PHLPP1: variants seen among roughly 807,000 people sequenced by gnomAD.
PHLPP1 encodes the protein PH domain and leucine rich repeat protein phosphatase 1.
A neutral mutation model predicts 117.2 loss-of-function variants in PHLPP1; 42 were observed. The ratio of observed to expected loss-of-function variants is 0.36; its 90% confidence interval spans 0.28 to 0.46. PHLPP1 has a LOEUF of 0.46. Ranked by LOEUF, PHLPP1 falls within the 20% of genes least tolerant of loss-of-function variation. PHLPP1 has a pLI of 1.00. For missense variants in PHLPP1, 2,084 were observed against 2,241.9 expected (o/e 0.93, Z 1.42); for synonymous variants, 1,042 against 970.7 (o/e 1.07, Z -1.37).
Position 62,941,931 on chromosome 18 carries a change from T to A in PHLPP1, c.3161+13T>A. On this transcript the variant is annotated intron_variant, in intron 11 of 16. Coordinates refer to ENST00000262719, the MANE Select transcript of PHLPP1 (RefSeq NM_194449.4). ...GTTTTCCAGCAAGGTAAAGGACAGT[T>A]GTAAAGCTGCGTTCTGAATTGCATT... 6.3e-7 allele frequency: 1 copy of A among 1,596,180 alleles called. No individual in the cohort carries two copies. Among genetic ancestry groups the A allele is most frequent in the South Asian group, 1.1e-5 (1 of 90,054 alleles).
intron 4 of PHLPP1, among the ~76,000 whole-genome samples, chr18:62,889,304 A>G (rs1021481240): frequency 1.3e-5 from 2 of 152,208 alleles, no homozygotes; most frequent in African/African-American, 4.8e-5. Context: ...TTAAGTCAGA[A>G]TCAGCTCTTA....
chr18:62,812,641 CTTCA>C (rs1012603250), intron 1 of PHLPP1, among the ~76,000 whole-genome samples: 3 of 152,026 alleles, frequency 2.0e-5, no homozygotes, highest in African/African-American at 7.2e-5. Flanking sequence ...TGCTGCCCAG[CTTCA>C]TTGTTTCAGC....
chr18:62,945,659 C>T (rs2144459042), intron 12 of PHLPP1, among the ~76,000 whole-genome samples: 1 of 152,356 alleles, frequency 6.6e-6, no homozygotes, highest in African/African-American at 2.4e-5. Flanking sequence ...TACCACTACA[C>T]ATCGCTCCCT....
At chr18:62,765,914 C>T (rs1049142008) in intron 1 of PHLPP1, among the ~76,000 whole-genome samples, 1 of 150,004 alleles carries the variant, frequency 6.7e-6, no homozygotes, top group African/African-American at 2.5e-5. Flanking sequence ...AGGAGAATGG[C>T]GTGAACCTGG....
intron 4 of PHLPP1, among the ~76,000 whole-genome samples, chr18:62,877,886 G>A (rs773698155): frequency 1.3e-5 from 2 of 152,066 alleles, no homozygotes; most frequent in Non-Finnish European, 2.9e-5. Flanking sequence ...TTTTGAAGAC[G>A]GAGCTCAGAA....
chr18:62,798,555 T>G (rs570814228), intron 1 of PHLPP1, among the ~76,000 whole-genome samples: 2 of 152,358 alleles, frequency 1.3e-5, no homozygotes, highest in South Asian at 4.1e-4. Context: ...AGAAAGACCC[T>G]TTTAAAAGTC....
intron 10 of PHLPP1, among the ~76,000 whole-genome samples, chr18:62,925,912 G>C (rs954890923): frequency 1.3e-5 from 2 of 152,202 alleles, no homozygotes; most frequent in African/African-American, 4.8e-5. Flanking sequence ...CTCCAGTGCA[G>C]ATGGTCTGCT....
At chr18:62,966,465 A>ATTTTTTTTTTTTT (rs3087157) in intron 14 of PHLPP1, among the ~76,000 whole-genome samples, 2 of 109,052 alleles carry the variant, frequency 1.8e-5, no homozygotes, top group Non-Finnish European at 3.5e-5. Flanking sequence ...AGTTCTACAA[A>ATTTTTTTTTTTTT]TTTTTTTTTT....
At chr18:62,828,244 G>A (rs1420392474) in intron 1 of PHLPP1, among the ~76,000 whole-genome samples, 2 of 152,106 alleles carry the variant, frequency 1.3e-5, no homozygotes, top group African/African-American at 4.8e-5. Context: ...GGAAACCCCG[G>A]CATCTTCCTC....
intron 9 of PHLPP1, among the ~76,000 whole-genome samples, chr18:62,918,064 G>C (rs1909348657): frequency 6.6e-6 from 1 of 151,864 alleles, no homozygotes. Context: ...AAATTAGCTA[G>C]GCATGGTGGT....
At chr18:62,751,476 G>A (rs1459817302) in intron 1 of PHLPP1, among the ~76,000 whole-genome samples, 13 of 152,152 alleles carry the variant, frequency 8.5e-5, no homozygotes, top group Admixed American at 8.5e-4. Flanking sequence ...GCAGAGGAGA[G>A]TCATTTGGCC....
rs34065978 is a variant in PHLPP1 at position 62,918,429 on chromosome 18, A to AATATATATATATATATATAT, written c.2805-1512_2805-1511insATATATATATATATATATAT. Among the ~76,000 whole-genome samples the AATATATATATATATATATAT allele has an allele frequency of 7.0e-3, 978 of 140,372 alleles. 18 individuals carry two copies. The highest frequency in any genetic ancestry group is 0.023 in the African/African-American group (832 of 36,912). 92.1% of individuals were successfully genotyped at this position (140,372 alleles called of 152,430 possible). A position where few individuals can be genotyped will look rare whatever the true frequency, so the allele number is the denominator to read the frequency against. ...TTAGTTATTTATGTGGTAAAGGATA[A>AATATATATATATATATATAT]ATATATATATATATATATGATGAAC... is the stretch of plus-strand genomic sequence containing the variant. On this transcript the variant is annotated intron_variant, in intron 9 of 16. Transcript: ENST00000262719.
intron 1 of PHLPP1, among the ~76,000 whole-genome samples, chr18:62,776,071 A>AT (rs538029004): frequency 1.9e-3 from 283 of 152,116 alleles, no homozygotes; most frequent in African/African-American, 6.5e-3. Flanking sequence ...GATTTAAAAA[A>AT]ATATATATAT....
At position 62,830,091 on chromosome 18, in the gene PHLPP1, G is replaced by GT; in HGVS notation, c.1634dup (p.Arg546ProfsTer2). 6.2e-7 allele frequency: 1 copy of GT among 1,613,706 alleles called. No individual in the cohort carries two copies. Among genetic ancestry groups the GT allele is most frequent in the Non-Finnish European group, 8.5e-7 (1 of 1,179,774 alleles). Reference sequence around the variant, plus strand: ...GATTCAGCTCTCAGGAATGTATAATGTCCGTAAAGGCAAGATGCAGTTGCC... The same window carrying GT: ...GATTCAGCTCTCAGGAATGTATAATGTTCCGTAAAGGCAAGATGCAGTTGCC... On this transcript the variant is annotated frameshift_variant, in exon 2 of 17. Transcript: ENST00000262719. LOFTEE classifies it high-confidence loss of function.
At chr18:62,765,890 C>T (rs1322907158) in intron 1 of PHLPP1, among the ~76,000 whole-genome samples, 16 of 149,556 alleles carry the variant, frequency 1.1e-4, no homozygotes, top group Non-Finnish European at 1.8e-4. Context: ...CCCAGCTACT[C>T]GGGAGGCTGA....
chr18:62,868,621 C>CAAAAA (rs35943627), intron 4 of PHLPP1, among the ~76,000 whole-genome samples: 1 of 67,248 alleles, frequency 1.5e-5, no homozygotes, highest in African/African-American at 4.9e-5. Context: ...GACTCTGTCT[C>CAAAAA]AAAAAAAAAA....
chr18:62,820,644 CT>C (rs1455148572), intron 1 of PHLPP1, among the ~76,000 whole-genome samples: 2 of 152,198 alleles, frequency 1.3e-5, no homozygotes, highest in Non-Finnish European at 2.9e-5. Flanking sequence ...GAAGAAGGTG[CT>C]TTGCTTCCCC....
intron 3 of PHLPP1, among the ~76,000 whole-genome samples, chr18:62,858,056 A>T (rs952666742): frequency 6.6e-6 from 1 of 152,132 alleles, no homozygotes; most frequent in Non-Finnish European, 1.5e-5. Context: ...TCTTTATATG[A>T]GTGGTTTGGC....
chr18:62,799,499 C>T (rs1913716404), intron 1 of PHLPP1, among the ~76,000 whole-genome samples: 1 of 152,194 alleles, frequency 6.6e-6, no homozygotes. Context: ...CTCATAGAAT[C>T]TATGCCTTAC....
Sources: gnomAD v4.1 joint callset for allele counts (sites outside exome capture counted in the v4.1 genomes callset) on GRCh38, gnomAD v4.1.1 for gene constraint, MANE v1.5 for transcripts, NCBI Gene and HGNC (gene_info 2026-07-23, HGNC 2026-07-21) for gene names.